Variants in MLLT3 observed in about 807,000 individuals in gnomAD.
The protein encoded by MLLT3 is protein AF-9.
A neutral mutation model predicts 53.2 loss-of-function variants in MLLT3; 4 were observed. That is an observed-to-expected ratio of 0.08 (90% confidence interval 0.04 to 0.17). The LOEUF (loss-of-function observed/expected upper bound fraction) is 0.17. MLLT3 is among the 10% of genes least tolerant of loss of function. The pLI, the probability that MLLT3 is intolerant of heterozygous loss-of-function variation, is 1.00. For synonymous variants in MLLT3, 283 were observed against 230.6 expected (o/e 1.23, Z -2.06); for missense variants, 569 against 684.0 (o/e 0.83, Z 1.87).
chr9:20,556,613 T>C (rs1266271083), intron 2 of MLLT3, among the ~76,000 whole-genome samples: 5 of 151,490 alleles, frequency 3.3e-5, no homozygotes, highest in South Asian at 2.1e-4. Context: ...AACCCAAGAG[T>C]AGGAGGTTGC....
Position 20,463,459 on chromosome 9 carries a change from G to A in MLLT3, c.194-6673C>T, listed in dbSNP as rs374235945. ...TTTCACAATCATTTCTTCAAGGAAC[G>A]TATAACAAATAAGCCAGCAAAATTC... is the stretch of plus-strand genomic sequence containing the variant. On this transcript the variant is annotated intron_variant, in intron 2 of 10. Coordinates refer to ENST00000380338, the MANE Select transcript of MLLT3 (RefSeq NM_004529.4). 2.7e-4 allele frequency among the ~76,000 whole-genome samples: 41 copies of A among 152,154 alleles called. 1 individual carries two copies. Among genetic ancestry groups the A allele is most frequent in the African/African-American group, 9.1e-4 (38 of 41,536 alleles).
At chr9:20,397,466 T>C (rs552758901) in intron 5 of MLLT3, among the ~76,000 whole-genome samples, 89 of 152,104 alleles carry the variant, frequency 5.9e-4, no homozygotes, top group Admixed American at 6.5e-4. Flanking sequence ...AGAATTGTTA[T>C]CAGTGCAGGC....
At chr9:20,381,368 C>A (rs949513270) in intron 5 of MLLT3, among the ~76,000 whole-genome samples, 2 of 151,870 alleles carry the variant, frequency 1.3e-5, no homozygotes, top group Non-Finnish European at 2.9e-5. Flanking sequence ...GAAGAATGTG[C>A]ACGCTTTCCG....
intron 2 of MLLT3, among the ~76,000 whole-genome samples, chr9:20,512,677 G>T (rs1309419383): frequency 2.6e-5 from 4 of 152,148 alleles, no homozygotes; most frequent in Non-Finnish European, 5.9e-5. Context: ...ATTGTTTTTG[G>T]TTTTTTAATG....
intron 5 of MLLT3, among the ~76,000 whole-genome samples, chr9:20,394,675 T>C (rs1822273081): frequency 6.6e-6 from 1 of 152,158 alleles, no homozygotes; most frequent in African/African-American, 2.4e-5. Flanking sequence ...GGGGTTACCT[T>C]TAGTCACAAA....
chr9:20,399,575 G>C (rs1299947052), intron 5 of MLLT3, among the ~76,000 whole-genome samples: 1 of 152,038 alleles, frequency 6.6e-6, no homozygotes, highest in Admixed American at 6.6e-5. Context: ...ATTTAGAAAA[G>C]TTTCAAAGAA....
chr9:20,444,598 C>T (rs558398341), intron 4 of MLLT3, among the ~76,000 whole-genome samples: 10 of 152,120 alleles, frequency 6.6e-5, no homozygotes, highest in Non-Finnish European at 1.3e-4. Flanking sequence ...AGGGGCTGGA[C>T]GCAGTGACTC....
At chr9:20,436,107 T>C (rs1823395416) in intron 4 of MLLT3, among the ~76,000 whole-genome samples, 1 of 152,210 alleles carries the variant, frequency 6.6e-6, no homozygotes, top group Admixed American at 6.6e-5. Flanking sequence ...GTATCTCTAC[T>C]TTCAAAACCC....
At chr9:20,396,679 G>A (rs1244894615) in intron 5 of MLLT3, among the ~76,000 whole-genome samples, 1 of 152,114 alleles carries the variant, frequency 6.6e-6, no homozygotes, top group Admixed American at 6.6e-5. Flanking sequence ...GAAGGGAAAT[G>A]TTGGTGGGCG....
At chr9:20,547,644 C>CAAAAAA (rs71334534) in intron 2 of MLLT3, among the ~76,000 whole-genome samples, 1 of 122,824 alleles carries the variant, frequency 8.1e-6, no homozygotes. Context: ...AACTCCATCT[C>CAAAAAA]AAAAAAAAAA....
At chr9:20,458,004 C>T (rs1255698341) in intron 2 of MLLT3, among the ~76,000 whole-genome samples, 1 of 152,108 alleles carries the variant, frequency 6.6e-6, no homozygotes, top group Non-Finnish European at 1.5e-5. Flanking sequence ...CTACCAAAAC[C>T]CCTCTGCTTC....
chr9:20,462,382 C>T (rs1202587665), intron 2 of MLLT3, among the ~76,000 whole-genome samples: 1 of 152,106 alleles, frequency 6.6e-6, no homozygotes, highest in Non-Finnish European at 1.5e-5. Context: ...TTGAGTTGTT[C>T]TCACCTTTTG....
intron 2 of MLLT3, among the ~76,000 whole-genome samples, chr9:20,539,878 G>A (rs1382012021): frequency 6.6e-6 from 1 of 152,110 alleles, no homozygotes; most frequent in Non-Finnish European, 1.5e-5. Flanking sequence ...TCCACATAAG[G>A]AAGGTCCCTT....
At chr9:20,612,135 G>A (rs1364521205) in intron 2 of MLLT3, among the ~76,000 whole-genome samples, 1 of 152,154 alleles carries the variant, frequency 6.6e-6, no homozygotes, top group Non-Finnish European at 1.5e-5. Context: ...ATTACTCAAT[G>A]TTTTAAAAGT....
intron 2 of MLLT3, among the ~76,000 whole-genome samples, chr9:20,556,875 A>G (rs1563816183): frequency 6.6e-6 from 1 of 152,182 alleles, no homozygotes; most frequent in Non-Finnish European, 1.5e-5. Flanking sequence ...CTATTTTTAA[A>G]AGCCAATTTT....
intron 2 of MLLT3, among the ~76,000 whole-genome samples, chr9:20,600,254 T>C (rs1427595262): frequency 6.6e-6 from 1 of 152,222 alleles, no homozygotes; most frequent in Non-Finnish European, 1.5e-5. Flanking sequence ...CTCATCTTGT[T>C]GTGCTGTTAT....
intron 2 of MLLT3, among the ~76,000 whole-genome samples, chr9:20,503,779 A>G: frequency 6.6e-6 from 1 of 152,168 alleles, no homozygotes; most frequent in East Asian, 1.9e-4. Flanking sequence ...GCAGCCTGGA[A>G]AAAAATATAT....
rs1296711887 is a variant in MLLT3 at position 20,355,063 on chromosome 9, A to G, written c.1432-184T>C. On this transcript the variant is annotated intron_variant, in intron 8 of 10. Coordinates refer to ENST00000380338, the MANE Select transcript of MLLT3 (RefSeq NM_004529.4). ...ATTTTCCTTGGAAAATGAATTACTTAGATCTGAAATGCTGAGTCAGAAAAG... is the reference window on the plus strand; with the variant it reads ...ATTTTCCTTGGAAAATGAATTACTTGGATCTGAAATGCTGAGTCAGAAAAG... Among the ~76,000 whole-genome samples, 3 of 150,140 alleles carry G rather than the reference A, an allele frequency of 2.0e-5. No homozygotes were observed. The East Asian group carries it at 5.9e-4, about 30-fold the overall frequency.
intron 2 of MLLT3, among the ~76,000 whole-genome samples, chr9:20,565,868 C>A (rs528191669): frequency 8.9e-5 from 13 of 145,618 alleles, no homozygotes; most frequent in African/African-American, 2.8e-4. Context: ...AAAGTCCACT[C>A]TCTATATCCT....
Sources: gnomAD v4.1 joint callset for allele counts (sites outside exome capture counted in the v4.1 genomes callset) on GRCh38, gnomAD v4.1.1 for gene constraint, MANE v1.5 for transcripts, NCBI Gene and HGNC (gene_info 2026-07-23, HGNC 2026-07-21) for gene names.